The following EVA1C variants were observed in gnomAD, a reference collection of about 807,000 sequenced individuals.
EVA1C encodes eva-1 homolog C.
A neutral mutation model predicts 45.4 loss-of-function variants in EVA1C; 25 were observed. The observed-to-expected ratio is 0.55, with a 90% CI of 0.40 to 0.77. EVA1C has a LOEUF of 0.77. EVA1C is among the 30% of genes least tolerant of loss of function. The probability of loss-of-function intolerance (pLI) is 0.00; values close to 1 mark genes in which losing one functional copy is unlikely to be tolerated. For missense variants in EVA1C, 479 were observed against 554.8 expected (o/e 0.86, Z 1.37); for synonymous variants, 190 against 221.2 (o/e 0.86, Z 1.25).
intron 5 of EVA1C, among the ~76,000 whole-genome samples, chr21:32,496,331 T>C (rs1179719961): frequency 6.6e-6 from 1 of 152,250 alleles, no homozygotes; most frequent in Non-Finnish European, 1.5e-5. Flanking sequence ...GTCTCAGTAC[T>C]TTATTTCTTT....
chr21:32,468,845 G>A (rs2036275238), intron 4 of EVA1C, among the ~76,000 whole-genome samples: 1 of 152,140 alleles, frequency 6.6e-6, no homozygotes, highest in South Asian at 2.1e-4. Context: ...GAAATACTTT[G>A]TATCCTTCAA....
At chr21:32,465,306 C>T (rs1230132424) in intron 3 of EVA1C, among the ~76,000 whole-genome samples, 1 of 152,124 alleles carries the variant, frequency 6.6e-6, no homozygotes, top group Non-Finnish European at 1.5e-5. Context: ...AACATGAGCA[C>T]GTGAGAGGAG....
chr21:32,466,491 T>TA lies in EVA1C; in HGVS notation c.482-1194dup, dbSNP rs200480714. Among the ~76,000 whole-genome samples, 214 of 144,632 alleles carry TA rather than the reference T, an allele frequency of 1.5e-3. 3 individuals carry two copies. Among genetic ancestry groups the TA allele is most frequent in the Admixed American group, 4.1e-3 (58 of 14,120 alleles). 94.9% of individuals were successfully genotyped at this position (144,632 alleles called of 152,430 possible). On this transcript the variant is annotated intron_variant, in intron 3 of 7. Coordinates refer to ENST00000300255, the MANE Select transcript of EVA1C (RefSeq NM_058187.5). The stretch of plus-strand genomic sequence containing the variant: ...TTAAATGGTTTTGGAGTACATTCTT[T>TA]AAAAAAAAAAATAAACTGTGTTTTC...
intron 1 of EVA1C, among the ~76,000 whole-genome samples, chr21:32,448,916 G>GAAAGAAAGAAAGAGAGAA (rs60517808): frequency 5.3e-4 from 77 of 146,050 alleles, no homozygotes; most frequent in Middle Eastern, 3.4e-3. Flanking sequence ...AAGGAGAAAA[G>GAAAGAAAGAAAGAGAGAA]AGAGAAAGAA....
chr21:32,507,474 A>G (rs1384219448), intron 7 of EVA1C, among the ~76,000 whole-genome samples: 1 of 145,000 alleles, frequency 6.9e-6, no homozygotes, highest in African/African-American at 2.6e-5. Flanking sequence ...GCATGTGTGC[A>G]TGTGTGTATG....
In EVA1C at chr21:32,507,682, G is replaced by A. The variant is rs957807777; in HGVS notation, c.949+3667G>A. The stretch of plus-strand genomic sequence containing the variant: ...TGTGTGTGCATGCATGTGTATCTGT[G>A]TGCATGTGTGCATGCGTATGTGCAC... On this transcript the variant is annotated intron_variant, in intron 7 of 7. Transcript: ENST00000300255. Among the ~76,000 whole-genome samples the A allele has an allele frequency of 5.3e-5, 8 of 151,164 alleles. 1 individual carries two copies. The highest frequency in any genetic ancestry group is 2.0e-4 in the African/African-American group (8 of 40,764).
chr21:32,455,262 C>G (rs2035736322), intron 2 of EVA1C, among the ~76,000 whole-genome samples: 1 of 151,880 alleles, frequency 6.6e-6, no homozygotes. Context: ...GCCAACTTGC[C>G]TTTTATAACA....
intron 6 of EVA1C, among the ~76,000 whole-genome samples, chr21:32,503,202 G>A (rs1320532225): frequency 6.6e-6 from 1 of 152,218 alleles, no homozygotes; most frequent in East Asian, 1.9e-4. Context: ...CTGTAATGGA[G>A]GCTTGTTTTA....
intron 4 of EVA1C, among the ~76,000 whole-genome samples, chr21:32,485,293 G>A (rs1215912424): frequency 6.6e-6 from 1 of 151,948 alleles, no homozygotes; most frequent in African/African-American, 2.4e-5. Context: ...CGACTCTCCA[G>A]AGTGGCTAGG....
chr21:32,482,755 T>C (rs1028554460), intron 4 of EVA1C, among the ~76,000 whole-genome samples: 2 of 152,146 alleles, frequency 1.3e-5, no homozygotes, highest in South Asian at 2.1e-4. Flanking sequence ...TCCTGCTCCA[T>C]TCAGCAGCCC....
intron 2 of EVA1C, among the ~76,000 whole-genome samples, chr21:32,454,421 T>A (rs549583013): frequency 6.9e-4 from 105 of 152,264 alleles, no homozygotes; most frequent in African/African-American, 2.4e-3. Flanking sequence ...TTTAAGTCAT[T>A]CTTTTTGTGG....
chr21:32,501,281 G>A (rs2037520877), intron 5 of EVA1C, 134 bp from the exon 6 acceptor site: 3 of 727,422 alleles, frequency 4.1e-6, no homozygotes, highest in Non-Finnish European at 6.7e-6. Context: ...TATTTAACAG[G>A]AAGAGTGAGT....
Position 32,501,427 on chromosome 21 carries a change from T to C in EVA1C, c.791T>C (p.Ile264Thr), listed in dbSNP as rs1568948751. Residue 264 changes from isoleucine to threonine, a missense_variant, in exon 6 of 8, where the codon ATA becomes ACA. Ile to Thr is a moderately conservative substitution (Grantham distance 89). Transcript: ENST00000300255. ...TVTYACVPKN[I>T]LTAIDPAIAN... ...TTTTGGCTTTTAGTTCCCAAGAACATACTCACAGCGATTGATCCAGCCATT... is the reference window on the plus strand; with the variant it reads ...TTTTGGCTTTTAGTTCCCAAGAACACACTCACAGCGATTGATCCAGCCATT... 1.9e-6 allele frequency: 3 copies of C among 1,591,986 alleles called. No individual in the cohort carries two copies. Among genetic ancestry groups the C allele is most frequent in the Non-Finnish European group, 2.5e-6 (3 of 1,178,168 alleles).
At chr21:32,471,263 G>A (rs2036359741) in intron 4 of EVA1C, among the ~76,000 whole-genome samples, 2 of 151,748 alleles carry the variant, frequency 1.3e-5, no homozygotes, top group Admixed American at 6.6e-5. Flanking sequence ...ATTGTGCAAG[G>A]CATTGTGGAT....
chr21:32,510,508 C>T lies in EVA1C; in HGVS notation c.950-4306C>T, dbSNP rs778739636. Among the ~76,000 whole-genome samples the T allele has an allele frequency of 7.2e-5, 11 of 152,032 alleles. No individual in the cohort carries two copies. The East Asian group carries it at 9.6e-4, about 13-fold the overall frequency. ...AGATGGTTTATATATGGTCTGTGGT[C>T]GCTTTTGCACTACAATAGCAGAGCT... On this transcript the variant is annotated intron_variant, in intron 7 of 7. Transcript: ENST00000300255.
intron 1 of EVA1C, among the ~76,000 whole-genome samples, chr21:32,441,654 T>A (rs1361255220): frequency 2.0e-5 from 3 of 151,994 alleles, no homozygotes; most frequent in Non-Finnish European, 2.9e-5. Context: ...AATCCATACA[T>A]ATAAATACAC....
chr21:32,500,131 G>A (rs537826417), intron 5 of EVA1C, among the ~76,000 whole-genome samples: 1 of 151,446 alleles, frequency 6.6e-6, no homozygotes, highest in South Asian at 2.1e-4. Context: ...TTTTGAGTTG[G>A]TCACAGTCAT....
intron 7 of EVA1C, among the ~76,000 whole-genome samples, chr21:32,508,725 T>C (rs1366658549): frequency 6.6e-6 from 1 of 152,166 alleles, no homozygotes; most frequent in Admixed American, 6.5e-5. Flanking sequence ...TCAACAGCAA[T>C]AGGGCCCCAA....
chr21:32,439,383 G>A (rs1283427496), intron 1 of EVA1C, among the ~76,000 whole-genome samples: 2 of 152,176 alleles, frequency 1.3e-5, no homozygotes, highest in African/African-American at 4.8e-5. Flanking sequence ...ACTGGCGAGT[G>A]TGCCAGGGAA....
Sources: allele counts gnomAD v4.1 joint callset (sites outside exome capture counted in the v4.1 genomes callset), GRCh38; gene constraint gnomAD v4.1.1; transcripts MANE v1.5; gene names NCBI Gene and HGNC (gene_info 2026-07-23, HGNC 2026-07-21).